The following FRMD4B variants were observed in gnomAD, a reference collection of about 807,000 sequenced individuals.
FRMD4B encodes the protein FERM domain-containing protein 4B.
FRMD4B carries 74 observed loss-of-function variants against 141.5 expected under a neutral mutation model. The ratio of observed to expected loss-of-function variants is 0.52; its 90% CI spans 0.43 to 0.63. The LOEUF (loss-of-function observed/expected upper bound fraction) is 0.63. Ranked by LOEUF, FRMD4B falls within the 30% of genes least tolerant of loss-of-function variation. FRMD4B has a pLI of 0.00. For synonymous variants in FRMD4B, 506 were observed against 467.9 expected (o/e 1.08, Z -1.05); for missense variants, 1,366 against 1,253.4 (o/e 1.09, Z -1.36).
chr3:69,296,250 A>T (rs1303749228), intron 4 of FRMD4B, among the ~76,000 whole-genome samples: 1 of 152,206 alleles, frequency 6.6e-6, no homozygotes, highest in Non-Finnish European at 1.5e-5. Flanking sequence ...AACTGTGGAA[A>T]CACAGGCACA....
At chr3:69,520,224 A>AAT (rs60568121) in intron 1 of FRMD4B, among the ~76,000 whole-genome samples, 1 of 47,236 alleles carries the variant, frequency 2.1e-5, no homozygotes. Flanking sequence ...TATATGATGG[A>AAT]ATATATATAT....
At chr3:69,467,304 A>G (rs2106935279) in intron 1 of FRMD4B, among the ~76,000 whole-genome samples, 1 of 152,352 alleles carries the variant, frequency 6.6e-6, no homozygotes, top group African/African-American at 2.4e-5. Context: ...ACTTATTAAG[A>G]GAGCTAGCAT....
chr3:69,250,181 C>A, intron 5 of FRMD4B, 82 bp from the exon 6 acceptor site: 1 of 903,654 alleles, frequency 1.1e-6, no homozygotes, highest in South Asian at 1.3e-5. Flanking sequence ...AGGAAGCTGT[C>A]ACAGCTTGGC....
At chr3:69,485,536 TG>T (rs924646361) in intron 1 of FRMD4B, among the ~76,000 whole-genome samples, 15 of 152,180 alleles carry the variant, frequency 9.9e-5, no homozygotes, top group Admixed American at 6.5e-5. Flanking sequence ...AGCCACAGCT[TG>T]GGCAGCTGCA....
chr3:69,274,298 A>G (rs544650509), intron 5 of FRMD4B, among the ~76,000 whole-genome samples: 3 of 152,262 alleles, frequency 2.0e-5, no homozygotes, highest in Admixed American at 2.0e-4. Flanking sequence ...GAAACTTCTT[A>G]TTTCCACTTT....
chr3:69,258,497 T>C (rs188288992), intron 5 of FRMD4B, among the ~76,000 whole-genome samples: 2 of 152,272 alleles, frequency 1.3e-5, no homozygotes, highest in African/African-American at 4.8e-5. Flanking sequence ...AAAGTATAAA[T>C]CCTGAAAAAC....
At chr3:69,331,239 C>A (rs975242193) in intron 1 of FRMD4B, among the ~76,000 whole-genome samples, 9 of 152,278 alleles carry the variant, frequency 5.9e-5, no homozygotes, top group Admixed American at 2.6e-4. Flanking sequence ...ATTATGCAAA[C>A]TCATTGAGGA....
At chr3:69,194,398 T>C (rs1442596068) in intron 16 of FRMD4B, among the ~76,000 whole-genome samples, 1 of 152,186 alleles carries the variant, frequency 6.6e-6, no homozygotes, top group Non-Finnish European at 1.5e-5. Context: ...GGGTACACAG[T>C]GAGCACTCAG....
chr3:69,278,150 G>C (rs2093627355), intron 5 of FRMD4B, among the ~76,000 whole-genome samples: 1 of 152,100 alleles, frequency 6.6e-6, no homozygotes, highest in African/African-American at 2.4e-5. Context: ...CACTGTGCCT[G>C]GCCTGAACAG....
At chr3:69,299,427 A>G (rs1428774128) in intron 4 of FRMD4B, among the ~76,000 whole-genome samples, 1 of 152,174 alleles carries the variant, frequency 6.6e-6, no homozygotes, top group Non-Finnish European at 1.5e-5. Flanking sequence ...ACAGTGACTT[A>G]TTAAAGTAAT....
chr3:69,287,497 A>T, intron 5 of FRMD4B: 1 of 445,250 alleles, frequency 2.2e-6, no homozygotes, highest in Non-Finnish European at 4.0e-6. Context: ...TGTGTCGATT[A>T]TTTGCTGGAT....
Position 69,472,553 on chromosome 3 carries a change from C to A in FRMD4B, c.-128-39792G>T, listed in dbSNP as rs373969601. 75 of 230,322 alleles carry A rather than the reference C, an allele frequency of 3.3e-4. No individual in the cohort carries two copies. The East Asian group carries it at 9.4e-3, about 29-fold the overall frequency. 14.3% of individuals were successfully genotyped at this position (230,322 alleles called of 1,614,324 possible). The stretch of plus-strand genomic sequence containing the variant: ...CCCTTTGGATGTTTCCACTTCTGGC[C>A]AATGCACCAAAATGTTACAGTTTTG... On this transcript the variant is annotated intron_variant, in intron 1 of 5. Transcript: ENST00000459638.
intron 2 of FRMD4B, among the ~76,000 whole-genome samples, chr3:69,405,126 C>G (rs1221119652): frequency 6.6e-6 from 1 of 152,194 alleles, no homozygotes; most frequent in Non-Finnish European, 1.5e-5. Flanking sequence ...CAGGGTCAAA[C>G]AGACCTTGTA....
intron 4 of FRMD4B, chr3:69,293,042 C>T: frequency 2.2e-6 from 1 of 453,722 alleles, no homozygotes; most frequent in Non-Finnish European, 4.4e-6. Context: ...GTTATTTGGG[C>T]TCCTCCCATT....
chr3:69,462,313 C>T (rs927630916), intron 1 of FRMD4B, among the ~76,000 whole-genome samples: 2 of 152,196 alleles, frequency 1.3e-5, no homozygotes, highest in African/African-American at 4.8e-5. Context: ...AGTTTTACTC[C>T]TCATTGGTTG....
chr3:69,186,883 T>C (rs2092773902), intron 19 of FRMD4B, among the ~76,000 whole-genome samples: 1 of 152,094 alleles, frequency 6.6e-6, no homozygotes, highest in Admixed American at 6.5e-5. Flanking sequence ...AGCTGGTAAC[T>C]GTTTGTTTGC....
intron 17 of FRMD4B, among the ~76,000 whole-genome samples, chr3:69,191,499 T>C (rs2092837172): frequency 6.6e-6 from 1 of 152,076 alleles, no homozygotes; most frequent in Non-Finnish European, 1.5e-5. Context: ...GATCTGCATT[T>C]GCAAATCATT....
chr3:69,441,198 T>C (rs1049129336), intron 1 of FRMD4B, among the ~76,000 whole-genome samples: 3 of 152,250 alleles, frequency 2.0e-5, no homozygotes, highest in Non-Finnish European at 1.5e-5. Flanking sequence ...CCTATCTTCC[T>C]CCTGGACTTT....
At chr3:69,493,389 G>C (rs549635890) in intron 1 of FRMD4B, among the ~76,000 whole-genome samples, 3 of 152,128 alleles carry the variant, frequency 2.0e-5, no homozygotes, top group African/African-American at 7.2e-5. Flanking sequence ...TGGGGCTTAC[G>C]GCAAACTGGA....
Sources: allele counts gnomAD v4.1 joint callset (sites outside exome capture counted in the v4.1 genomes callset), GRCh38; gene constraint gnomAD v4.1.1; transcripts MANE v1.5; gene names NCBI Gene and HGNC (gene_info 2026-07-23, HGNC 2026-07-21).